SLC24A1: variants seen among roughly 807,000 people sequenced by gnomAD.
SLC24A1 encodes the protein sodium/potassium/calcium exchanger 1.
A neutral mutation model predicts 88.1 loss-of-function variants in SLC24A1; 52 were observed. The observed-to-expected ratio is 0.59, with a 90% CI of 0.47 to 0.74. The LOEUF (loss-of-function observed/expected upper bound fraction) is 0.74, where lower values mean the gene tolerates loss of function less well. Ranked by LOEUF, SLC24A1 falls within the 30% of genes least tolerant of loss-of-function variation. The pLI is 0.00. For missense variants in SLC24A1, 1,173 were observed against 1,363.3 expected (o/e 0.86, Z 2.20); for synonymous variants, 455 against 498.0 (o/e 0.91, Z 1.15).
chr15:65,644,019 C>A, intron 4 of SLC24A1: 1 of 197,006 alleles, frequency 5.1e-6, no homozygotes, highest in Non-Finnish European at 1.1e-5. Flanking sequence ...CAGACATTAC[C>A]AATCAATCAT....
chr15:65,636,577 G>T (rs781548844), intron 2 of SLC24A1, among the ~76,000 whole-genome samples: 33 of 151,958 alleles, frequency 2.2e-4, no homozygotes, highest in Non-Finnish European at 4.0e-4. Context: ...GCAAAACTCT[G>T]TCTAAAAAAA....
chr15:65,618,181 C>G (rs1291467160), upstream of SLC24A1, among the ~76,000 whole-genome samples: 1 of 152,122 alleles, frequency 6.6e-6, no homozygotes, highest in South Asian at 2.1e-4. Context: ...GAAGTATAGA[C>G]ATTCTTACAT....
intron 1 of SLC24A1, among the ~76,000 whole-genome samples, chr15:65,622,369 A>G (rs2074348524): frequency 1.3e-5 from 2 of 152,138 alleles, no homozygotes; most frequent in Non-Finnish European, 2.9e-5. Flanking sequence ...GTACCTTTGC[A>G]TCTCTGATTA....
chr15:65,612,861 T>C (rs1479227793), intron 2 of SLC24A1, among the ~76,000 whole-genome samples: 1 of 152,200 alleles, frequency 6.6e-6, no homozygotes, highest in Non-Finnish European at 1.5e-5. Flanking sequence ...CTAGTTCTTC[T>C]GAATAACAGG....
Position 65,650,500 on chromosome 15 carries a change from A to G in SLC24A1, c.2351A>G (p.Glu784Gly), listed in dbSNP as rs1326411176. 6.4e-7 allele frequency: 1 copy of G among 1,551,786 alleles called. No homozygotes were observed. The highest frequency in any genetic ancestry group is 1.2e-5 in the South Asian group (1 of 84,058). The change falls in exon 7 of 10, where the codon GAA becomes GGA. Residue 784 changes from glutamate (E) to glycine (G), a missense_variant. Glu to Gly is a moderately conservative substitution (Grantham distance 98). Transcript: ENST00000261892. This position sits in a 1 kb window ranked among gnomAD's most constrained non-coding sequence, Gnocchi z 4.1. ...GGETQPEGEG[E>G]TETQGKGEEC... ...GAAACTCAACCAGAAGGTGAAGGTG[A>G]AACTGAAACACAAGGAAAAGGAGAA...
chr15:65,617,285 G>A (rs549082465), upstream of SLC24A1, among the ~76,000 whole-genome samples: 20 of 152,256 alleles, frequency 1.3e-4, no homozygotes, highest in Non-Finnish European at 2.2e-4. Context: ...GTAGCTTGAC[G>A]GGGATGGCAT....
chr15:65,645,774 C>A, intron 6 of SLC24A1, 71 bp downstream of exon 6: 1 of 1,016,946 alleles, frequency 9.8e-7, no homozygotes, highest in South Asian at 1.4e-5. Flanking sequence ...AAAAATACAT[C>A]CTCCCTGAAG....
chr15:65,636,245 A>G (rs1366699652), intron 2 of SLC24A1, among the ~76,000 whole-genome samples: 2 of 152,206 alleles, frequency 1.3e-5, no homozygotes, highest in Non-Finnish European at 2.9e-5. Flanking sequence ...GCTTGACCCC[A>G]GTAGTTCGAG....
intron 2 of SLC24A1, among the ~76,000 whole-genome samples, chr15:65,632,568 G>A (rs55915824): frequency 5.7e-4 from 87 of 152,318 alleles, no homozygotes; most frequent in African/African-American, 1.9e-3. Flanking sequence ...ACCAACAAAT[G>A]TATGGTAATT....
upstream of SLC24A1, among the ~76,000 whole-genome samples, chr15:65,621,398 C>T (rs1187177489): frequency 6.6e-6 from 1 of 152,162 alleles, no homozygotes; most frequent in African/African-American, 2.4e-5. Context: ...TTAGTGCCCT[C>T]TACACCAAGG....
At chr15:65,615,554 G>A (rs1286099575) in intron 2 of SLC24A1, among the ~76,000 whole-genome samples, 1 of 151,894 alleles carries the variant, frequency 6.6e-6, no homozygotes, top group Non-Finnish European at 1.5e-5. Context: ...GTCATGGCGG[G>A]CACCTGTAGT....
chr15:65,636,952 C>A (rs1251154114), intron 2 of SLC24A1, among the ~76,000 whole-genome samples: 1 of 151,704 alleles, frequency 6.6e-6, no homozygotes, highest in African/African-American at 2.4e-5. Flanking sequence ...TTCAGCTCAC[C>A]TTTACTGAGC....
At chr15:65,660,887 A>G (rs970819997), downstream of SLC24A1, 3 of 152,232 alleles carry the variant, frequency 2.0e-5, no homozygotes, top group African/African-American at 7.2e-5. Flanking sequence ...AATTTGCATC[A>G]TACCCAATAT....
chr15:65,652,315 C>T (rs1403765216), intron 8 of SLC24A1: 13 of 296,794 alleles, frequency 4.4e-5, no homozygotes, highest in Non-Finnish European at 3.2e-5. Context: ...CTGACATGAA[C>T]AGCTCTTTGG....
At position 65,654,847 on chromosome 15, in the gene SLC24A1, C is replaced by T. The variant is rs934658313; in HGVS notation, c.*768C>T. On this transcript the variant is annotated 3_prime_UTR_variant, in exon 10 of 10. Coordinates refer to ENST00000261892, the MANE Select transcript of SLC24A1 (RefSeq NM_004727.3). ...CAGCCTGAAGTCGTGATCTGCCCGC[C>T]TCGGCCTCCCAAAGTGCTGGGATTA... The T allele has an allele frequency of 4.6e-6, 5 of 1,085,922 alleles. No homozygotes were observed. The African/African-American group carries it at 8.4e-5, about 18-fold the overall frequency. The allele number at this position is 1,085,922 out of a possible 1,614,324, so 67.3% of individuals were successfully genotyped here. A position where few individuals can be genotyped will look rare whatever the true frequency, so the allele number is the denominator to read the frequency against.
chr15:65,652,739 C>A lies in SLC24A1; in HGVS notation c.2981C>A (p.Ala994Asp), dbSNP rs372129154. Residue 994 changes from alanine to aspartate, a missense_variant, in exon 9 of 10, where the codon GCT (alanine) becomes GAT (aspartate). Transcript: ENST00000261892. Reference protein sequence around the residue: ...IPDLITSVIVARKGLGDMAVS... With the variant: ...IPDLITSVIVDRKGLGDMAVS... ...GACCTCATCACCAGTGTGATTGTCG[C>A]TCGAAAAGGCCTGGGAGACATGGCT... is the stretch of plus-strand genomic sequence containing the variant. 6.2e-7 allele frequency: 1 copy of A among 1,613,728 alleles called. No individual in the cohort carries two copies. Among genetic ancestry groups the A allele is most frequent in the Non-Finnish European group, 8.5e-7 (1 of 1,179,820 alleles).
downstream of SLC24A1, among the ~76,000 whole-genome samples, chr15:65,658,759 T>C (rs1279119106): frequency 6.6e-6 from 1 of 152,212 alleles, no homozygotes; most frequent in Non-Finnish European, 1.5e-5. Flanking sequence ...AACTTCTAAA[T>C]AGAGCTAGCT....
chr15:65,660,308 G>T (rs529757015), downstream of SLC24A1: 85 of 1,535,142 alleles, frequency 5.5e-5, no homozygotes, highest in African/African-American at 1.1e-3. Flanking sequence ...TTTCAGCATG[G>T]TGCTATTCAC....
At chr15:65,647,525 G>C (rs149115462) in intron 6 of SLC24A1, among the ~76,000 whole-genome samples, 3 of 150,328 alleles carry the variant, frequency 2.0e-5, no homozygotes, top group African/African-American at 7.3e-5. Context: ...AGAAAGAATC[G>C]GTTCAACCCA....
Sources: gnomAD v4.1 joint callset for allele counts (sites outside exome capture counted in the v4.1 genomes callset) on GRCh38, gnomAD v4.1.1 for gene constraint, Gnocchi (gnomAD v3.1) non-coding constraint, MANE v1.5 for transcripts, NCBI Gene and HGNC (gene_info 2026-07-23, HGNC 2026-07-21) for gene names.